Variants in DLC1 observed in about 807,000 individuals in gnomAD.
DLC1 encodes rho GTPase-activating protein 7.
In DLC1, 54 loss-of-function variants were observed where a neutral mutation model predicts 140.3. The ratio of observed to expected loss-of-function variants is 0.38; its 90% confidence interval spans 0.31 to 0.48. The LOEUF is 0.48. DLC1 is among the 20% of genes least tolerant of loss of function. The probability of loss-of-function intolerance (pLI) is 0.96; values close to 1 mark genes in which losing one functional copy is unlikely to be tolerated. For synonymous variants in DLC1, 986 were observed against 728.1 expected (o/e 1.35, Z -5.70); for missense variants, 2,536 against 1,907.0 (o/e 1.33, Z -6.14).
chr8:13,592,605 G>T (rs550324236), intron 1 of DLC1, among the ~76,000 whole-genome samples: 1 of 152,056 alleles, frequency 6.6e-6, no homozygotes, highest in South Asian at 2.1e-4. Flanking sequence ...GCAGCCATTT[G>T]TTGAAACTAT....
At chr8:13,436,445 A>G (rs1839125969) in intron 2 of DLC1, among the ~76,000 whole-genome samples, 2 of 152,220 alleles carry the variant, frequency 1.3e-5, no homozygotes, top group African/African-American at 2.4e-5. Context: ...TTAGTGGACC[A>G]AAAGGACTGA....
intron 4 of DLC1, among the ~76,000 whole-genome samples, chr8:13,345,546 A>ATTTTTTTTTTTTTTTTTT (rs1490773993): frequency 4.5e-5 from 2 of 44,660 alleles, no homozygotes; most frequent in East Asian, 7.8e-4. Context: ...TTTCACTCAC[A>ATTTTTTTTTTTTTTTTTT]CTTTTTTTTT....
In DLC1 at chr8:13,409,124, C is replaced by G. The variant is rs146300958; in HGVS notation, c.1024-7505G>C. 5.0e-4 allele frequency among the ~76,000 whole-genome samples: 76 copies of G among 152,066 alleles called. 1 individual carries two copies. In the East Asian group the frequency reaches 0.014, roughly 27 times the overall value. ...CCTCCGAATGTCAATCATCCTGAGT[C>G]CAACAACTATATTTTCCTTAATATT... On this transcript the variant is annotated intron_variant, in intron 2 of 17. Transcript: ENST00000276297.
chr8:13,434,546 G>A (rs1466468675), intron 2 of DLC1, among the ~76,000 whole-genome samples: 1 of 152,136 alleles, frequency 6.6e-6, no homozygotes, highest in Non-Finnish European at 1.5e-5. Flanking sequence ...CACAAAGAAG[G>A]ATTTGGCTGG....
intron 5 of DLC1, among the ~76,000 whole-genome samples, chr8:13,134,513 C>A (rs1294884452): frequency 6.6e-6 from 1 of 152,052 alleles, no homozygotes; most frequent in African/African-American, 2.4e-5. Flanking sequence ...AATATTGGAG[C>A]TGGGGAAGGG....
chr8:13,450,469 A>C (rs1420921365), intron 2 of DLC1, among the ~76,000 whole-genome samples: 1 of 150,942 alleles, frequency 6.6e-6, no homozygotes, highest in Non-Finnish European at 1.5e-5. Context: ...AAAAAAAAAA[A>C]AAAAAAGGCC....
At chr8:13,436,156 T>C (rs1225441830) in intron 2 of DLC1, among the ~76,000 whole-genome samples, 1 of 152,250 alleles carries the variant, frequency 6.6e-6, no homozygotes, top group Non-Finnish European at 1.5e-5. Context: ...GACATTTGCT[T>C]TATTGCAGTG....
chr8:13,603,430 G>A (rs1485273001), intron 1 of DLC1, among the ~76,000 whole-genome samples: 2 of 151,548 alleles, frequency 1.3e-5, no homozygotes, highest in African/African-American at 4.8e-5. Context: ...AGCTGGTATG[G>A]AAACTGAAGT....
In DLC1 at chr8:13,100,126, G is replaced by A. The variant is rs771827994; in HGVS notation, c.2211C>T (p.Ser737=). The change falls in exon 9 of 18, where the codon TCC becomes TCT. Residue 737 remains serine, a synonymous_variant. Coordinates refer to ENST00000276297, the MANE Select transcript of DLC1 (RefSeq NM_182643.3). The stretch of plus-strand genomic sequence containing the variant: ...GGCTGCTGCTGCTGCTGGTCTGCGT[G>A]GAGTTGGAAACGCTCCTCTTTCGTA... ...PMVRKRSVSN[S]TQTSSSSSQS... 29 of 1,613,952 alleles carry A rather than the reference G, an allele frequency of 1.8e-5. No homozygotes were observed. The highest frequency in any genetic ancestry group is 2.3e-5 in the Non-Finnish European group (27 of 1,180,048).
At chr8:13,380,358 A>C (rs1044642308) in intron 4 of DLC1, among the ~76,000 whole-genome samples, 1 of 152,200 alleles carries the variant, frequency 6.6e-6, no homozygotes, top group Non-Finnish European at 1.5e-5. Flanking sequence ...TCAATATTCA[A>C]ACTATTTTGT....
intron 4 of DLC1, among the ~76,000 whole-genome samples, chr8:13,364,696 A>G (rs979302455): frequency 6.6e-6 from 1 of 152,098 alleles, no homozygotes; most frequent in Non-Finnish European, 1.5e-5. Flanking sequence ...CCTTTTTTGG[A>G]CTAGGAATAG....
chr8:13,412,632 A>G (rs978050083), intron 2 of DLC1, among the ~76,000 whole-genome samples: 1 of 152,106 alleles, frequency 6.6e-6, no homozygotes, highest in Non-Finnish European at 1.5e-5. Context: ...GTAATGCTTC[A>G]GTGCAAGTTA....
At chr8:13,409,268 C>G (rs139560578) in intron 2 of DLC1, among the ~76,000 whole-genome samples, 2,247 of 152,084 alleles carry the variant, frequency 0.015, 34 homozygotes, top group South Asian at 0.045. Context: ...ACATATTAAA[C>G]TACAAAATTA....
intron 2 of DLC1, among the ~76,000 whole-genome samples, chr8:13,438,444 A>T (rs571787064): frequency 6.6e-6 from 1 of 152,258 alleles, no homozygotes; most frequent in South Asian, 2.1e-4. Flanking sequence ...AAATAGCCAG[A>T]ATGATCGCTA....
At chr8:13,214,401 C>A (rs987060185) in intron 5 of DLC1, 12 of 425,592 alleles carry the variant, frequency 2.8e-5, no homozygotes, top group Non-Finnish European at 5.0e-5. Flanking sequence ...AGCCCACTCT[C>A]CTATTTGCTT....
At position 13,499,750 on chromosome 8, in the gene DLC1, C is replaced by A; in HGVS notation, c.322G>T (p.Val108Leu). 2.5e-6 allele frequency: 4 copies of A among 1,614,106 alleles called. No homozygotes were observed. Among genetic ancestry groups the A allele is most frequent in the Non-Finnish European group, 3.4e-6 (4 of 1,179,994 alleles). ...LSLEASTETL[V>L]HVSDEDNNAD... is the part of the protein sequence containing the mutation. ...TTGTTATCCTCATCAGAAACATGCA[C>A]TAGTGTTTCTGTGCTGGCTTCCAGA... is the stretch of plus-strand genomic sequence containing the variant. The change falls in exon 2 of 18, where the codon GTG becomes TTG. Residue 108 changes from valine (V) to leucine (L), a missense_variant. Transcript: ENST00000276297.
intron 4 of DLC1, among the ~76,000 whole-genome samples, chr8:13,353,130 G>T (rs1283874674): frequency 6.6e-6 from 1 of 152,104 alleles, no homozygotes; most frequent in Non-Finnish European, 1.5e-5. Context: ...GTGGCTATAC[G>T]TGGCTTTCCT....
At chr8:13,253,656 A>T (rs1830098865) in intron 5 of DLC1, among the ~76,000 whole-genome samples, 1 of 152,222 alleles carries the variant, frequency 6.6e-6, no homozygotes, top group South Asian at 2.1e-4. Flanking sequence ...ATAGCAATTG[A>T]ATGCAAACAC....
rs187027549 is a variant in DLC1, at chr8:13,429,956, G to A, written c.1024-28337C>T. 3.9e-5 allele frequency among the ~76,000 whole-genome samples: 6 copies of A among 152,126 alleles called. No homozygotes were observed. In the South Asian group the frequency reaches 6.2e-4, roughly 16 times the overall value. On this transcript the variant is annotated intron_variant, in intron 2 of 17. Coordinates refer to ENST00000276297, the MANE Select transcript of DLC1 (RefSeq NM_182643.3). ...TATTTAAATGCTATCTGATATTTGC[G>A]TGTGCATATAGGTGGTTCTTAACCA...
Sources: gnomAD v4.1 joint callset for allele counts (sites outside exome capture counted in the v4.1 genomes callset) on GRCh38, gnomAD v4.1.1 for gene constraint, MANE v1.5 for transcripts, NCBI Gene and HGNC (gene_info 2026-07-23, HGNC 2026-07-21) for gene names.